Variants in PDE3B observed in about 807,000 individuals in gnomAD.
The protein encoded by PDE3B is cGMP-inhibited 3',5'-cyclic phosphodiesterase 3B.
A neutral mutation model predicts 116.8 loss-of-function variants in PDE3B; 66 were observed. That is an observed-to-expected ratio of 0.56 (90% CI 0.46 to 0.69). The LOEUF (loss-of-function observed/expected upper bound fraction) is 0.69. PDE3B is among the 30% of genes least tolerant of loss of function. The pLI is 0.00. For missense variants in PDE3B, 1,384 were observed against 1,368.1 expected (o/e 1.01, Z -0.18); for synonymous variants, 595 against 533.6 (o/e 1.12, Z -1.59).
At chr11:14,809,654 G>T (rs1859063577) in intron 5 of PDE3B, among the ~76,000 whole-genome samples, 1 of 152,156 alleles carries the variant, frequency 6.6e-6, no homozygotes, top group Non-Finnish European at 1.5e-5. Flanking sequence ...TTTTGGAGAT[G>T]ACTAAGCATG....
chr11:14,690,527 TTG>T (rs1362616271), intron 1 of PDE3B, among the ~76,000 whole-genome samples: 1 of 152,158 alleles, frequency 6.6e-6, no homozygotes, highest in Non-Finnish European at 1.5e-5. Context: ...TTCTGGATTC[TTG>T]TGATGTTTAT....
chr11:14,713,864 T>C (rs1855786459), intron 1 of PDE3B, among the ~76,000 whole-genome samples: 1 of 152,148 alleles, frequency 6.6e-6, no homozygotes, highest in Admixed American at 6.5e-5. Context: ...TAGATAAAGA[T>C]GGTGAAGAAA....
chr11:14,697,348 C>A lies in PDE3B; in HGVS notation c.978+52295C>A. On this transcript the variant is annotated intron_variant, in intron 1 of 15. Coordinates refer to ENST00000282096, the MANE Select transcript of PDE3B (RefSeq NM_000922.4). ...TTTACTGGTTTACAGTGCTCTAGCACCATTAATTGAAAAGATTGTCTTTTC... is the reference window on the plus strand; with the variant it reads ...TTTACTGGTTTACAGTGCTCTAGCAACATTAATTGAAAAGATTGTCTTTTC... Among the ~76,000 whole-genome samples, 2 of 152,086 alleles carry A rather than the reference C, an allele frequency of 1.3e-5. 1 individual carries two copies. The highest frequency in any genetic ancestry group is 3.9e-4 in the East Asian group (2 of 5,192).
chr11:14,885,820 T>C, the PDE3B span: 4 of 1,613,348 alleles, frequency 2.5e-6, no homozygotes, highest in African/African-American at 4.0e-5. Context: ...GCATGGTCTG[T>C]CTGCAAAAAT....
chr11:14,781,979 G>T (rs1050329413), intron 2 of PDE3B, among the ~76,000 whole-genome samples: 1 of 152,126 alleles, frequency 6.6e-6, no homozygotes, highest in East Asian at 1.9e-4. Flanking sequence ...GGATACAAAA[G>T]CAATGTGCAG....
At chr11:14,868,930 A>G (rs1404141198) in intron 15 of PDE3B, among the ~76,000 whole-genome samples, 2 of 152,138 alleles carry the variant, frequency 1.3e-5, no homozygotes, top group African/African-American at 4.8e-5. Flanking sequence ...CTGAGGCAGG[A>G]GAATGGAGTG....
chr11:14,791,445 G>A (rs1014212398), intron 4 of PDE3B, among the ~76,000 whole-genome samples: 3 of 152,020 alleles, frequency 2.0e-5, no homozygotes, highest in Non-Finnish European at 2.9e-5. Flanking sequence ...CCCGCACAAT[G>A]CTGCTATCCT....
intron 13 of PDE3B, among the ~76,000 whole-genome samples, chr11:14,860,488 GA>G (rs1392007516): frequency 1.3e-5 from 2 of 152,016 alleles, no homozygotes; most frequent in East Asian, 3.9e-4. Flanking sequence ...TTTAGTTCTT[GA>G]AAGGCTTTTT....
intron 12 of PDE3B, among the ~76,000 whole-genome samples, chr11:14,845,841 A>T (rs529368742): frequency 9.2e-5 from 14 of 152,322 alleles, no homozygotes; most frequent in African/African-American, 3.4e-4. Context: ...GGACTATGTG[A>T]AAAGACCAAA....
chr11:14,797,895 C>T (rs1383944350), intron 4 of PDE3B, among the ~76,000 whole-genome samples: 1 of 152,166 alleles, frequency 6.6e-6, no homozygotes. Flanking sequence ...ATTTGACTTC[C>T]TCTCCTCCTA....
chr11:14,893,693 A>C, the PDE3B span, among the ~76,000 whole-genome samples: 1 of 152,160 alleles, frequency 6.6e-6, no homozygotes, highest in East Asian at 1.9e-4. Flanking sequence ...CTCTCTGATT[A>C]TCTCTCTTCT....
In PDE3B at chr11:14,789,223, C is replaced by G. The variant is rs760596650; in HGVS notation, c.1396C>G (p.Gln466Glu). The stretch of plus-strand genomic sequence containing the variant: ...TCGTAATAATGGCAAAAGACCTCAC[C>G]AAGAATTTGGCATTTCAAGGTAAAA... ...WDRNNGKRPHQEFGISSQGCY... is the reference protein window; with the variant it reads ...WDRNNGKRPHEEFGISSQGCY... Residue 466 changes from glutamine to glutamate, a missense_variant, in exon 4 of 16, where the codon CAA (glutamine) becomes GAA (glutamate). Around this residue, in one of 2 missense-constraint regions of PDE3B, gnomAD observed 956 missense variants for 806.8 expected, o/e 1.18. Transcript: ENST00000282096. 1.2e-6 allele frequency: 2 copies of G among 1,605,336 alleles called. No individual in the cohort carries two copies. The highest frequency in any genetic ancestry group is 2.2e-5 in the East Asian group (1 of 44,638).
intron 1 of PDE3B, among the ~76,000 whole-genome samples, chr11:14,669,101 A>G (rs927021410): frequency 1.3e-5 from 2 of 152,208 alleles, no homozygotes; most frequent in Non-Finnish European, 2.9e-5. Flanking sequence ...GCAACAGCAG[A>G]TAGCCGTTAT....
chr11:14,854,084 TA>T (rs1337447078), intron 12 of PDE3B, among the ~76,000 whole-genome samples: 1 of 152,178 alleles, frequency 6.6e-6, no homozygotes, highest in Non-Finnish European at 1.5e-5. Flanking sequence ...CACCAGCAGA[TA>T]AAAGTTTTTT....
At chr11:14,816,308 A>G (rs925263951) in intron 5 of PDE3B, among the ~76,000 whole-genome samples, 3 of 152,196 alleles carry the variant, frequency 2.0e-5, no homozygotes, top group African/African-American at 4.8e-5. Flanking sequence ...GAGCACCATA[A>G]CCAAGTTGAC....
At chr11:14,825,825 A>G (rs1488608375) in intron 7 of PDE3B, among the ~76,000 whole-genome samples, 3 of 152,204 alleles carry the variant, frequency 2.0e-5, no homozygotes, top group African/African-American at 7.2e-5. Flanking sequence ...AAACAACAGA[A>G]TGTACATTTT....
Position 14,764,292 on chromosome 11 carries a change from A to G in PDE3B, c.979-7645A>G, listed in dbSNP as rs540739864. ...TACTCCTCAACTCTATTTTTCTGCTATTGACCTCCATTGGCTAAATGTAAG... is the reference window on the plus strand; with the variant it reads ...TACTCCTCAACTCTATTTTTCTGCTGTTGACCTCCATTGGCTAAATGTAAG... On this transcript the variant is annotated intron_variant, in intron 1 of 15. Coordinates refer to ENST00000282096, the MANE Select transcript of PDE3B (RefSeq NM_000922.4). 4.6e-5 allele frequency among the ~76,000 whole-genome samples: 7 copies of G among 152,246 alleles called. No individual in the cohort carries two copies. In the East Asian group the frequency reaches 9.6e-4, roughly 21 times the overall value.
intron 1 of PDE3B, among the ~76,000 whole-genome samples, chr11:14,767,684 T>C (rs1857532750): frequency 1.3e-5 from 2 of 151,436 alleles, no homozygotes; most frequent in Admixed American, 1.3e-4. Flanking sequence ...ATATAAGTTT[T>C]TAAGATAATA....
intron 1 of PDE3B, among the ~76,000 whole-genome samples, chr11:14,716,300 A>G (rs1477690665): frequency 1.3e-5 from 2 of 152,176 alleles, no homozygotes; most frequent in Non-Finnish European, 2.9e-5. Flanking sequence ...TTGCTAGCAC[A>G]GCAGTCTGAG....
Sources: allele counts gnomAD v4.1 joint callset (sites outside exome capture counted in the v4.1 genomes callset), GRCh38; gene constraint gnomAD v4.1.1; regional missense constraint gnomAD v4.1.1; transcripts MANE v1.5; gene names NCBI Gene and HGNC (gene_info 2026-07-23, HGNC 2026-07-21).